Variants in PRELID2 observed in about 807,000 individuals in gnomAD.
PRELID2 encodes the protein PRELI domain containing 2.
A neutral mutation model predicts 28.4 loss-of-function variants in PRELID2; 25 were observed. That is an observed-to-expected ratio of 0.88 (90% confidence interval 0.64 to 1.23). The LOEUF (loss-of-function observed/expected upper bound fraction) is 1.23, where lower values mean the gene tolerates loss of function less well. Among genes scored for constraint, PRELID2 ranks in the 50% most tolerant of loss-of-function variants. PRELID2 has a pLI of 0.00. For synonymous variants in PRELID2, 76 were observed against 71.6 expected, an observed-to-expected ratio of 1.06 and a Z score of -0.31; for missense variants, 201 against 214.4, an observed-to-expected ratio of 0.94 and a Z score of 0.39.
chr5:145,791,565 C>G (rs1306893858), intron 5 of PRELID2, among the ~76,000 whole-genome samples: 1 of 151,976 alleles, frequency 6.6e-6, no homozygotes, highest in African/African-American at 2.4e-5. Context: ...TTGCCAGGGG[C>G]TAGGAGGTGA....
chr5:145,259,039 C>G, the PRELID2 span, among the ~76,000 whole-genome samples: 1 of 152,184 alleles, frequency 6.6e-6, no homozygotes, highest in Non-Finnish European at 1.5e-5. Flanking sequence ...GCCACTGCTT[C>G]AGAAAGTGCA....
chr5:145,313,908 G>A, the PRELID2 span, among the ~76,000 whole-genome samples: 2 of 152,160 alleles, frequency 1.3e-5, no homozygotes, highest in Non-Finnish European at 2.9e-5. Context: ...TTTTTAAGCA[G>A]AGAAAAGAAT....
chr5:145,774,436 C>A (rs1758286205), intron 5 of PRELID2, among the ~76,000 whole-genome samples: 1 of 152,188 alleles, frequency 6.6e-6, no homozygotes, highest in Non-Finnish European at 1.5e-5. Flanking sequence ...TTAAATGAGG[C>A]AACATATAAA....
chr5:145,673,670 C>T (rs926876565), intron 1 of PRELID2, among the ~76,000 whole-genome samples: 4 of 150,674 alleles, frequency 2.7e-5, no homozygotes, highest in African/African-American at 9.7e-5. Flanking sequence ...GCTAGCAAAC[C>T]AAAATTCAAC....
chr5:145,803,825 T>C (rs1458899610), intron 4 of PRELID2, among the ~76,000 whole-genome samples: 1 of 151,286 alleles, frequency 6.6e-6, no homozygotes, highest in East Asian at 2.0e-4. Flanking sequence ...CTGTAATTCA[T>C]TAACTTCTAG....
chr5:145,621,343 G>A (rs1753771246), intron 1 of PRELID2, among the ~76,000 whole-genome samples: 1 of 152,168 alleles, frequency 6.6e-6, no homozygotes, highest in Non-Finnish European at 1.5e-5. Context: ...AATGTAAAAT[G>A]TGCAGCTACA....
chr5:145,339,877 G>C, the PRELID2 span, among the ~76,000 whole-genome samples: 1 of 152,128 alleles, frequency 6.6e-6, no homozygotes, highest in African/African-American at 2.4e-5. Context: ...TGCTGCCACA[G>C]GGTCATAAAG....
the PRELID2 span, among the ~76,000 whole-genome samples, chr5:145,380,148 C>G: frequency 6.6e-6 from 1 of 152,178 alleles, no homozygotes; most frequent in African/African-American, 2.4e-5. Flanking sequence ...TTTAAGTGTC[C>G]ATGGTGGTTG....
At chr5:145,745,971 A>T (rs1756980719) in intron 1 of PRELID2, among the ~76,000 whole-genome samples, 1 of 152,204 alleles carries the variant, frequency 6.6e-6, no homozygotes, top group Admixed American at 6.5e-5. Flanking sequence ...ATGCTAAGGG[A>T]TTTAGTTACC....
chr5:145,687,717 TAAATGAATAAATGAGTAG>T (rs1007991618), intron 1 of PRELID2, among the ~76,000 whole-genome samples: 1 of 152,232 alleles, frequency 6.6e-6, no homozygotes. Context: ...TTTTAATGAC[TAAATGAATAAATGAGTAG>T]AATCAGATCT....
At chr5:145,671,745 T>A (rs1754710969) in intron 1 of PRELID2, among the ~76,000 whole-genome samples, 1 of 152,188 alleles carries the variant, frequency 6.6e-6, no homozygotes, top group South Asian at 2.1e-4. Flanking sequence ...GCTACACCAT[T>A]TAATTAGAGT....
the PRELID2 span, among the ~76,000 whole-genome samples, chr5:145,401,231 T>C: frequency 6.6e-6 from 1 of 152,162 alleles, no homozygotes; most frequent in East Asian, 1.9e-4. Context: ...TTCTTTTTTT[T>C]TTTTCTTTTC....
At chr5:145,640,392 C>T (rs1285541227) in intron 1 of PRELID2, among the ~76,000 whole-genome samples, 21 of 146,730 alleles carry the variant, frequency 1.4e-4, no homozygotes, top group African/African-American at 3.5e-4. Flanking sequence ...AGGAGAATGG[C>T]GTGAACCCGG....
the PRELID2 span, among the ~76,000 whole-genome samples, chr5:145,457,930 T>C: frequency 2.6e-5 from 4 of 152,152 alleles, no homozygotes; most frequent in Non-Finnish European, 5.9e-5. Flanking sequence ...CCTTCCAAAA[T>C]TGTATATGGA....
At chr5:145,657,127 G>T (rs968982738) in intron 1 of PRELID2, among the ~76,000 whole-genome samples, 2 of 152,056 alleles carry the variant, frequency 1.3e-5, no homozygotes, top group Non-Finnish European at 2.9e-5. Flanking sequence ...TACTGGACTT[G>T]CTGGAAGGAA....
chr5:145,703,373 T>C (rs1041386163), intron 1 of PRELID2, among the ~76,000 whole-genome samples: 2 of 152,188 alleles, frequency 1.3e-5, no homozygotes, highest in African/African-American at 4.8e-5. Flanking sequence ...CTCCCTTCCA[T>C]AGGGATTGTT....
the PRELID2 span, among the ~76,000 whole-genome samples, chr5:145,274,060 T>C: frequency 6.6e-6 from 1 of 152,268 alleles, no homozygotes; most frequent in African/African-American, 2.4e-5. Context: ...AATAAATGCA[T>C]AACACTCTAA....
chr5:145,429,964 T>C, the PRELID2 span: 1 of 152,364 alleles, frequency 6.6e-6, no homozygotes, highest in Non-Finnish European at 1.5e-5. Context: ...CCCTCAGCCA[T>C]CCCAGCAGCT....
chr5:145,703,803 T>G (rs1398078900), intron 1 of PRELID2: 1 of 152,218 alleles, frequency 6.6e-6, no homozygotes, highest in Admixed American at 6.5e-5. Context: ...CCTCCACACC[T>G]GAGTGCATAA....
Sources: allele counts gnomAD v4.1 joint callset (sites outside exome capture counted in the v4.1 genomes callset), GRCh38; gene constraint gnomAD v4.1.1; transcripts MANE v1.5; gene names NCBI Gene and HGNC (gene_info 2026-07-23, HGNC 2026-07-21).